Variants in THOP1 observed in about 807,000 individuals in gnomAD.
THOP1 encodes thimet oligopeptidase.
In THOP1, 49 loss-of-function variants were observed where a neutral mutation model predicts 71.8. The ratio of observed to expected loss-of-function variants is 0.68; its 90% CI spans 0.54 to 0.87. The LOEUF (loss-of-function observed/expected upper bound fraction) is 0.87. Among genes scored for constraint, THOP1 ranks in the 40% least tolerant of loss-of-function variants. The pLI, the probability that THOP1 is intolerant of heterozygous loss-of-function variation, is 0.00. For missense variants in THOP1, 843 were observed against 975.6 expected, an observed-to-expected ratio of 0.86 and a Z score of 1.81; for synonymous variants, 426 against 421.5, an observed-to-expected ratio of 1.01 and a Z score of -0.13.
intron 6 of THOP1, chr19:2,806,091 C>T (rs1023197568): frequency 1.3e-5 from 2 of 152,552 alleles, no homozygotes; most frequent in Admixed American, 6.5e-5. Context: ...ACTCAGTCTG[C>T]TCAGATGGGG....
chr19:2,803,074 C>T (rs1916195581), intron 5 of THOP1, among the ~76,000 whole-genome samples: 1 of 152,246 alleles, frequency 6.6e-6, no homozygotes, highest in Non-Finnish European at 1.5e-5. Flanking sequence ...CCCACTCTTA[C>T]TGTTGGACAT....
In THOP1 at chr19:2,814,924, G is replaced by T. The variant is rs1916569647; in HGVS notation, c.*1648G>T. 6.5e-6 allele frequency: 1 copy of T among 152,810 alleles called. No homozygotes were observed. The highest frequency in any genetic ancestry group is 2.1e-4 in the South Asian group (1 of 4,874). The allele number at this position is 152,810 out of a possible 1,614,324, so 9.5% of individuals were successfully genotyped here. ...AAAAAAATAAGTTCGGTGGGTGTGG[G>T]GCCAGTGCCTGTGGTCTGTTTTTTG... On this transcript the variant is annotated 3_prime_UTR_variant, in exon 13 of 13. Coordinates refer to ENST00000307741, the MANE Select transcript of THOP1 (RefSeq NM_003249.5).
intron 12 of THOP1, among the ~76,000 whole-genome samples, chr19:2,812,914 G>A (rs535827705): frequency 1.3e-5 from 2 of 152,326 alleles, no homozygotes; most frequent in South Asian, 2.1e-4. Context: ...TGGCCCCTCA[G>A]TGCACACCCC....
intron 9 of THOP1, chr19:2,810,078 T>C: frequency 1.8e-6 from 1 of 570,226 alleles, no homozygotes; most frequent in Non-Finnish European, 3.1e-6. Flanking sequence ...AGGGACGGGG[T>C]CATGTGGCCG....
intron 1 of THOP1, among the ~76,000 whole-genome samples, chr19:2,787,867 G>A (rs554917149): frequency 6.6e-6 from 1 of 152,330 alleles, no homozygotes; most frequent in African/African-American, 2.4e-5. Flanking sequence ...AAAACGATCC[G>A]GCCCCAATGG....
Position 2,807,430 on chromosome 19 carries a change from C to T in THOP1, c.887-12C>T. On this transcript the variant is annotated splice_polypyrimidine_tract_variant and intron_variant, in intron 7 of 12. Coordinates refer to ENST00000307741, the MANE Select transcript of THOP1 (RefSeq NM_003249.5). ...GCGAGGCGAGAGGCCCACCTTTCTGCCCTCCCCGCAGATGAGCTGGCGCAG... is the reference window on the plus strand; with the variant it reads ...GCGAGGCGAGAGGCCCACCTTTCTGTCCTCCCCGCAGATGAGCTGGCGCAG... The T allele has an allele frequency of 1.3e-6, 2 of 1,572,480 alleles. No individual in the cohort carries two copies. Among genetic ancestry groups the T allele is most frequent in the Non-Finnish European group, 8.6e-7 (1 of 1,156,146 alleles).
rs1009487495 is a variant in THOP1, at chr19:2,810,905, G to C, written c.1771+137G>C. The C allele has an allele frequency of 3.7e-6, 5 of 1,351,548 alleles. No individual in the cohort carries two copies. In the African/African-American group the frequency reaches 7.3e-5, roughly 20 times the overall value. 83.7% of individuals were successfully genotyped at this position (1,351,548 alleles called of 1,614,324 possible). On this transcript the variant is annotated intron_variant, in intron 11 of 12. Transcript: ENST00000307741. The stretch of plus-strand genomic sequence containing the variant: ...CTGGGGAGCCACGGAGCGCGTCCCA[G>C]GCTCCTCGGGGGACAGCCCCAGCTG...
In THOP1 at chr19:2,799,599, G is replaced by A. The variant is rs1438744242; in HGVS notation, c.487-90G>A. 2.9e-6 allele frequency: 3 copies of A among 1,033,090 alleles called. No individual in the cohort carries two copies. In the Admixed American group the frequency reaches 5.5e-5, roughly 19 times the overall value. 64.0% of individuals were successfully genotyped at this position (1,033,090 alleles called of 1,614,324 possible). A position where few individuals can be genotyped will look rare whatever the true frequency, so the allele number is the denominator to read the frequency against. On this transcript the variant is annotated intron_variant, in intron 4 of 12. Coordinates refer to ENST00000307741, the MANE Select transcript of THOP1 (RefSeq NM_003249.5). ...GCCTGGTTCTTGGGGAAATCCCTCA[G>A]CCCTCGGCGAGAGGGTTCCCAGGCG...
rs1221052820 is a variant in THOP1 at position 2,804,765 on chromosome 19, G to T, written c.590-251G>T. 9.0e-6 allele frequency: 4 copies of T among 443,678 alleles called. No homozygotes were observed. The highest frequency in any genetic ancestry group is 1.6e-5 in the Non-Finnish European group (4 of 249,402). The allele number at this position is 443,678 out of a possible 1,614,324, so 27.5% of individuals were successfully genotyped here. ...TCTGAGGATGCTGGGGGGTTTCCTGGTGGGGTTAGAGGCGGGACGTGAGAA... is the reference window on the plus strand; with the variant it reads ...TCTGAGGATGCTGGGGGGTTTCCTGTTGGGGTTAGAGGCGGGACGTGAGAA... On this transcript the variant is annotated intron_variant, in intron 5 of 12. Transcript: ENST00000307741. This position sits in a 1 kb window ranked among gnomAD's most constrained non-coding sequence, Gnocchi z 4.7.
intron 2 of THOP1, among the ~76,000 whole-genome samples, chr19:2,791,692 T>G (rs1028467666): frequency 3.3e-5 from 5 of 152,176 alleles, no homozygotes; most frequent in African/African-American, 1.2e-4. Context: ...ACCAGTTCCC[T>G]CTTATGGCGC....
At chr19:2,790,396 G>A (rs1736176) in intron 1 of THOP1, 25 bp from the exon 2 acceptor site, 456,720 of 1,501,516 alleles carry the variant, frequency 0.3, 71,485 homozygotes, top group East Asian at 0.46. Flanking sequence ...AGACCCGCCC[G>A]GCACTGGGTT....
intron 2 of THOP1, among the ~76,000 whole-genome samples, chr19:2,792,144 G>A (rs1264930716): frequency 6.6e-6 from 1 of 152,196 alleles, no homozygotes; most frequent in Non-Finnish European, 1.5e-5. Flanking sequence ...TCGGTCGCCC[G>A]TAAATCCCGA....
At position 2,785,544 on chromosome 19, in the gene THOP1, A is replaced by T. The variant is rs1915719327; in HGVS notation, c.-119A>T. The T allele has an allele frequency of 2.4e-6, 3 of 1,255,054 alleles. No homozygotes were observed. The South Asian group carries it at 5.2e-5, about 22-fold the overall frequency. The allele number at this position is 1,255,054 out of a possible 1,614,324, so 77.7% of individuals were successfully genotyped here. A position where few individuals can be genotyped will look rare whatever the true frequency, so the allele number is the denominator to read the frequency against. ...GCGGGCGGCGGGCCCCTTGGTCCTCAGGCGGCCGTGGCGGCGGTGGCGGCG... is the reference window on the plus strand; with the variant it reads ...GCGGGCGGCGGGCCCCTTGGTCCTCTGGCGGCCGTGGCGGCGGTGGCGGCG... On this transcript the variant is annotated 5_prime_UTR_variant, in exon 1 of 13. Coordinates refer to ENST00000307741, the MANE Select transcript of THOP1 (RefSeq NM_003249.5).
chr19:2,796,698 C>T (rs115147825), intron 4 of THOP1, among the ~76,000 whole-genome samples: 2,909 of 151,966 alleles, frequency 0.019, 87 homozygotes, highest in African/African-American at 0.066. Flanking sequence ...TGGGCGTGGC[C>T]AGTGGAGCTT....
In THOP1 at chr19:2,785,573, GGGCCGAGGCAGGCGGCCTCAGT is replaced by G. The variant is rs1915720664; in HGVS notation, c.-81_-60del. The G allele has an allele frequency of 1.7e-5, 24 of 1,419,544 alleles. No individual in the cohort carries two copies. Among genetic ancestry groups the G allele is most frequent in the Middle Eastern group, 4.4e-4 (2 of 4,530 alleles). The allele number at this position is 1,419,544 out of a possible 1,614,324, so 87.9% of individuals were successfully genotyped here. A position where few individuals can be genotyped will look rare whatever the true frequency, so the allele number is the denominator to read the frequency against. ...GGCCGTGGCGGCGGTGGCGGCGGTT[GGGCCGAGGCAGGCGGCCTCAGT>G]GGCCGAGGTGGCTGGACGCGTAGCA... On this transcript the variant is annotated 5_prime_UTR_variant, in exon 1 of 13. Coordinates refer to ENST00000307741, the MANE Select transcript of THOP1 (RefSeq NM_003249.5).
intron 5 of THOP1, among the ~76,000 whole-genome samples, chr19:2,803,398 G>C (rs1176133980): frequency 6.6e-6 from 1 of 152,238 alleles, no homozygotes; most frequent in Admixed American, 6.5e-5. Flanking sequence ...GAGTCTGGGA[G>C]TTCAGGGCCA....
intron 1 of THOP1, 135 bp downstream of exon 1, chr19:2,785,813 G>A: frequency 2.6e-6 from 2 of 767,344 alleles, no homozygotes; most frequent in South Asian, 8.7e-5. Context: ...CAGCGGGGGA[G>A]GTGGACGACC....
chr19:2,790,296 A>G (rs767436319), intron 1 of THOP1, 125 bp from the exon 2 acceptor site: 1 of 870,076 alleles, frequency 1.1e-6, no homozygotes, highest in Non-Finnish European at 1.7e-6. Context: ...TCCCTACAAG[A>G]GCCCTGGACC....
At chr19:2,810,591 T>C in intron 10 of THOP1, 49 bp from the exon 11 acceptor site, 2 of 1,533,586 alleles carry the variant, frequency 1.3e-6, no homozygotes, top group Non-Finnish European at 1.8e-6. Context: ...CTGGGCAGAG[T>C]GGGCCGGGGC....
Sources: allele counts gnomAD v4.1 joint callset (sites outside exome capture counted in the v4.1 genomes callset), GRCh38; gene constraint gnomAD v4.1.1; non-coding constraint Gnocchi (gnomAD v3.1); transcripts MANE v1.5; gene names NCBI Gene and HGNC (gene_info 2026-07-23, HGNC 2026-07-21).